Variants in URM1 observed in about 807,000 individuals in gnomAD.
The protein encoded by URM1 is ubiquitin related modifier 1, also known as ubiquitin-related modifier 1.
In URM1, 11 loss-of-function variants were observed where a neutral mutation model predicts 17.7. The observed-to-expected ratio is 0.62, with a 90% CI of 0.39 to 1.03. The LOEUF (loss-of-function observed/expected upper bound fraction) is 1.03. URM1 is among the 50% of genes least tolerant of loss of function. The pLI is 0.00. For synonymous variants in URM1, 48 were observed against 50.6 expected, an observed-to-expected ratio of 0.95 and a Z score of 0.22; for missense variants, 128 against 129.2, an observed-to-expected ratio of 0.99 and a Z score of 0.04.
chr9:128,375,494 T>G (rs1833064474), intron 1 of URM1, among the ~76,000 whole-genome samples: 1 of 152,166 alleles, frequency 6.6e-6, no homozygotes, highest in Middle Eastern at 3.2e-3. Context: ...AAGGATTGCT[T>G]GAGCCCAGGA....
intron 2 of URM1, among the ~76,000 whole-genome samples, chr9:128,383,019 C>A (rs1833180090): frequency 6.6e-6 from 1 of 152,144 alleles, no homozygotes; most frequent in Non-Finnish European, 1.5e-5. Context: ...TCTGCCTGCT[C>A]CACTTGTGTT....
intron 1 of URM1, among the ~76,000 whole-genome samples, chr9:128,375,652 C>A (rs1833066936): frequency 6.6e-6 from 1 of 152,110 alleles, no homozygotes; most frequent in Non-Finnish European, 1.5e-5. Context: ...CTCAACCTCC[C>A]AGGTTCAGGT....
chr9:128,380,970 G>C (rs1564411240), intron 2 of URM1, among the ~76,000 whole-genome samples: 1 of 152,098 alleles, frequency 6.6e-6, no homozygotes, highest in Non-Finnish European at 1.5e-5. Flanking sequence ...GACTACAGGT[G>C]CCTGCCACCA....
At chr9:128,389,012 C>T (rs559186587) in intron 3 of URM1, 4 of 1,318,854 alleles carry the variant, frequency 3.0e-6, no homozygotes, top group Non-Finnish European at 3.9e-6. Flanking sequence ...ATGACCTGCC[C>T]ATGGTCTGGG....
intron 2 of URM1, among the ~76,000 whole-genome samples, chr9:128,383,555 G>A (rs1035619740): frequency 5.3e-5 from 8 of 152,190 alleles, no homozygotes; most frequent in African/African-American, 1.7e-4. Flanking sequence ...GGAAGAGGGG[G>A]TGCATTTGTT....
chr9:128,389,301 G>C lies in URM1; in HGVS notation c.229G>C (p.Glu77Gln). The C allele has an allele frequency of 6.2e-7, 1 of 1,611,644 alleles. No homozygotes were observed. Among genetic ancestry groups the C allele is most frequent in the African/African-American group, 1.3e-5 (1 of 74,930 alleles). ...ILVLINDADW[E>Q]LLGELDYQLQ... Reference sequence around the variant, plus strand: ...GGTGCTGATTAACGATGCCGACTGGGAGCTACTGGTCAGTACCTTGGGGGA... The same window carrying C: ...GGTGCTGATTAACGATGCCGACTGGCAGCTACTGGTCAGTACCTTGGGGGA... The change falls in exon 4 of 5, where the codon GAG becomes CAG. Residue 77 changes from glutamate (E) to glutamine (Q), a missense_variant. By Grantham distance (29) the Glu-to-Gln change is conservative (BLOSUM62 2). Transcript: ENST00000372853.
At chr9:128,380,417 C>A (rs1340726403) in intron 2 of URM1, among the ~76,000 whole-genome samples, 1 of 151,928 alleles carries the variant, frequency 6.6e-6, no homozygotes, top group African/African-American at 2.4e-5. Context: ...ATTGTGTGTC[C>A]CTGGTCGAGG....
intron 1 of URM1, among the ~76,000 whole-genome samples, chr9:128,376,831 A>T (rs1346368960): frequency 6.6e-6 from 1 of 152,122 alleles, no homozygotes; most frequent in Non-Finnish European, 1.5e-5. Flanking sequence ...TACAAAAAGT[A>T]CAAAATTAGC....
intron 2 of URM1, 48 bp downstream of exon 2, chr9:128,378,154 G>T (rs1229571275): frequency 2.1e-6 from 3 of 1,399,546 alleles, no homozygotes; most frequent in East Asian, 2.4e-5. Flanking sequence ...TTGAACAGGA[G>T]TTGGTCCATG....
chr9:128,380,262 T>A (rs533928087), intron 2 of URM1, among the ~76,000 whole-genome samples: 2 of 152,336 alleles, frequency 1.3e-5, no homozygotes, highest in African/African-American at 4.8e-5. Flanking sequence ...CGCACCTCTC[T>A]GTCCCTCCCT....
At position 128,378,088 on chromosome 9, in the gene URM1, C is replaced by T; in HGVS notation, c.88C>T (p.Pro30Ser). ...DGIKKHRVTL[P>S]GQEEPWDIRN... The stretch of plus-strand genomic sequence containing the variant: ...TATTAAGAAACATCGAGTCACTTTG[C>T]CTGGACAGGAGGAACCCTGTGAGTA... The change falls in exon 2 of 5, where the codon CCT becomes TCT. Residue 30 changes from proline (P) to serine (S), a missense_variant. Coordinates refer to ENST00000372853, the MANE Select transcript of URM1 (RefSeq NM_030914.4). The T allele has an allele frequency of 6.2e-7, 1 of 1,610,132 alleles. No homozygotes were observed. The highest frequency in any genetic ancestry group is 2.2e-5 in the East Asian group (1 of 44,482).
intron 2 of URM1, among the ~76,000 whole-genome samples, chr9:128,386,059 G>A (rs1316876249): frequency 6.6e-6 from 1 of 152,214 alleles, no homozygotes; most frequent in Non-Finnish European, 1.5e-5. Flanking sequence ...TATCCAGAGT[G>A]GAGCAGAAGC....
chr9:128,384,074 C>T (rs1204484246), intron 2 of URM1, among the ~76,000 whole-genome samples: 1 of 152,190 alleles, frequency 6.6e-6, no homozygotes, highest in African/African-American at 2.4e-5. Context: ...CTCAGCAGCT[C>T]TTGGTGTTTG....
chr9:128,382,692 G>A (rs955119191), intron 2 of URM1, among the ~76,000 whole-genome samples: 2 of 152,170 alleles, frequency 1.3e-5, no homozygotes, highest in South Asian at 2.1e-4. Flanking sequence ...GGTTGGGCTC[G>A]CTCTGTATGT....
intron 1 of URM1, among the ~76,000 whole-genome samples, chr9:128,372,480 C>A (rs761534947): frequency 6.6e-6 from 1 of 152,112 alleles, no homozygotes; most frequent in Non-Finnish European, 1.5e-5. Flanking sequence ...CTACCATGTG[C>A]CGGGCAGCAA....
At chr9:128,389,018 C>G (rs914044899) in intron 3 of URM1, 11 of 1,333,384 alleles carry the variant, frequency 8.2e-6, no homozygotes, top group African/African-American at 1.5e-5. Context: ...TGCCCATGGT[C>G]TGGGTGGTGG....
At chr9:128,371,339 C>T (rs369672083), upstream of URM1, 4 of 1,609,066 alleles carry the variant, frequency 2.5e-6, no homozygotes, top group East Asian at 2.3e-5. Flanking sequence ...GCGGGCGCGC[C>T]GGAAGTTGAG....
chr9:128,372,911 C>CAA (rs990027378), intron 1 of URM1, among the ~76,000 whole-genome samples: 2 of 133,940 alleles, frequency 1.5e-5, no homozygotes, highest in Non-Finnish European at 3.3e-5. Flanking sequence ...TCATCTCTAC[C>CAA]AAAAAAAAAA....
chr9:128,390,055 T>G lies in URM1; in HGVS notation c.*321T>G. The G allele has an allele frequency of 1.5e-5, 6 of 395,022 alleles. No individual in the cohort carries two copies. Among genetic ancestry groups the G allele is most frequent in the East Asian group, 4.8e-5 (1 of 20,744 alleles). The allele number at this position is 395,022 out of a possible 1,614,324, so 24.5% of individuals were successfully genotyped here. ...TGACCTGGCTGCCTTCCACTCCTTG[T>G]ACCTCAGTCTAAACATGGAGTGGCC... On this transcript the variant is annotated 3_prime_UTR_variant, in exon 5 of 5. Transcript: ENST00000372853.
Sources: allele counts gnomAD v4.1 joint callset (sites outside exome capture counted in the v4.1 genomes callset), GRCh38; gene constraint gnomAD v4.1.1; transcripts MANE v1.5; gene names NCBI Gene and HGNC (gene_info 2026-07-23, HGNC 2026-07-21).